Variants in RBP2 observed in about 807,000 individuals in gnomAD.
RBP2 encodes the protein retinol binding protein 2, also known as retinol-binding protein 2.
RBP2 carries 17 observed loss-of-function variants against 17.0 expected under a neutral mutation model. The observed-to-expected ratio is 1.00, with a 90% CI of 0.68 to 1.50. The LOEUF is 1.50. RBP2 is among the 40% of genes most tolerant of loss of function. RBP2 has a pLI of 0.00. For synonymous variants in RBP2, 48 were observed against 57.1 expected (o/e 0.84, Z 0.72); for missense variants, 158 against 168.2 (o/e 0.94, Z 0.33).
At chr3:139,474,896 G>A (rs895803973) in intron 1 of RBP2, among the ~76,000 whole-genome samples, 1 of 152,174 alleles carries the variant, frequency 6.6e-6, no homozygotes, top group South Asian at 2.1e-4. Context: ...AATCACAGGT[G>A]CAACAGGGTT....
At chr3:139,468,257 C>T (rs746610090) in intron 1 of RBP2, among the ~76,000 whole-genome samples, 1 of 152,196 alleles carries the variant, frequency 6.6e-6, no homozygotes, top group Non-Finnish European at 1.5e-5. Flanking sequence ...GATAGCACTC[C>T]TGACAATTTC....
At chr3:139,466,582 C>T (rs1933372477) in intron 1 of RBP2, 1 of 152,256 alleles carries the variant, frequency 6.6e-6, no homozygotes, top group African/African-American at 2.4e-5. Context: ...GTGTGTCCAG[C>T]TTCAGTCTCG....
At chr3:139,467,514 T>C (rs558562903) in intron 1 of RBP2, among the ~76,000 whole-genome samples, 1 of 152,300 alleles carries the variant, frequency 6.6e-6, no homozygotes, top group South Asian at 2.1e-4. Context: ...TCCTGTCTCT[T>C]ATTTCCTAGC....
At chr3:139,455,156 G>A (rs944275323) in intron 2 of RBP2, among the ~76,000 whole-genome samples, 1 of 152,084 alleles carries the variant, frequency 6.6e-6, no homozygotes, top group African/African-American at 2.4e-5. Flanking sequence ...TCTGGAAGGG[G>A]AAAATACCTT....
intron 1 of RBP2, among the ~76,000 whole-genome samples, chr3:139,467,149 T>A (rs181806854): frequency 1.3e-5 from 2 of 152,222 alleles, no homozygotes; most frequent in African/African-American, 4.8e-5. Context: ...AAATAGTAGG[T>A]ACTCAAGAAG....
chr3:139,468,586 C>T (rs1466130883), intron 1 of RBP2, among the ~76,000 whole-genome samples: 1 of 152,080 alleles, frequency 6.6e-6, no homozygotes, highest in African/African-American at 2.4e-5. Context: ...GGAAGGTAGC[C>T]AAATGTTCTG....
Position 139,454,816 on chromosome 3 carries a change from C to A in RBP2, c.267G>T (p.Trp89Cys). The change falls in exon 3 of 4, where the codon TGG (tryptophan) becomes TGT (cysteine). Residue 89 changes from tryptophan to cysteine, a missense_variant. By Grantham distance (215) the Trp-to-Cys change is radical. Coordinates refer to ENST00000232217, the MANE Select transcript of RBP2 (RefSeq NM_004164.3). ...DNRHVKALVTWEGDVLVCVQK... is the reference protein window; with the variant it reads ...DNRHVKALVTCEGDVLVCVQK... ...GCACACACACAAGGACATCACCTTCCCAGGTGACCAGTGCCTGTAAAGACA... is the reference window on the plus strand; with the variant it reads ...GCACACACACAAGGACATCACCTTCACAGGTGACCAGTGCCTGTAAAGACA... 1 of 1,614,100 alleles carries A rather than the reference C, an allele frequency of 6.2e-7. No individual in the cohort carries two copies. The highest frequency in any genetic ancestry group is 2.2e-5 in the East Asian group (1 of 44,880).
At chr3:139,472,272 C>T (rs1933593666) in intron 1 of RBP2, among the ~76,000 whole-genome samples, 1 of 152,260 alleles carries the variant, frequency 6.6e-6, no homozygotes, top group African/African-American at 2.4e-5. Flanking sequence ...AGAATCTCAA[C>T]TGGCCCATCT....
intron 1 of RBP2, among the ~76,000 whole-genome samples, chr3:139,474,434 C>G (rs1374612591): frequency 6.6e-6 from 1 of 152,202 alleles, no homozygotes; most frequent in East Asian, 1.9e-4. Context: ...ATAAACTAAA[C>G]AGAGCCTAGA....
At chr3:139,464,459 A>C (rs1010832871) in intron 1 of RBP2, among the ~76,000 whole-genome samples, 1 of 152,258 alleles carries the variant, frequency 6.6e-6, no homozygotes, top group African/African-American at 2.4e-5. Flanking sequence ...TCTCAAAAAA[A>C]AAAATCCTTC....
At chr3:139,458,511 C>G (rs1933057453) in intron 2 of RBP2, among the ~76,000 whole-genome samples, 1 of 152,200 alleles carries the variant, frequency 6.6e-6, no homozygotes, top group Non-Finnish European at 1.5e-5. Flanking sequence ...TTAAGATACA[C>G]AATTCGGTAG....
chr3:139,458,321 G>C (rs1351837154), intron 2 of RBP2, among the ~76,000 whole-genome samples: 1 of 152,026 alleles, frequency 6.6e-6, no homozygotes, highest in Admixed American at 6.6e-5. Context: ...CCCTTCCTCT[G>C]GCAGCGCCTG....
At chr3:139,476,361 C>T in intron 1 of RBP2, 26 bp downstream of exon 1, 1 of 1,604,490 alleles carries the variant, frequency 6.2e-7, no homozygotes, top group Non-Finnish European at 8.5e-7. Context: ...AACAGCTACC[C>T]TCCCCATCCC....
At position 139,462,558 on chromosome 3, in the gene RBP2, AAC is replaced by A. The variant is rs59601422; in HGVS notation, c.74-270_74-269del. On this transcript the variant is annotated intron_variant, in intron 1 of 3. Coordinates refer to ENST00000232217, the MANE Select transcript of RBP2 (RefSeq NM_004164.3). ...CCTCACCCCTAAGCTGCAGCTCCCC[AAC>A]ACACACACACACACACACACACACA... 8.1e-3 allele frequency among the ~76,000 whole-genome samples: 976 copies of A among 121,188 alleles called. 4 individuals are homozygous for A. Among genetic ancestry groups the A allele is most frequent in the Middle Eastern group, 0.013 (3 of 230 alleles). 79.5% of individuals were successfully genotyped at this position (121,188 alleles called of 152,430 possible). A position where few individuals can be genotyped will look rare whatever the true frequency, so the allele number is the denominator to read the frequency against.
rs1460813034 is a variant in RBP2 at position 139,462,193 on chromosome 3, T to C, written c.171A>G (p.Thr57=). The stretch of plus-strand genomic sequence containing the variant: ...TGAAATCCACATCATAGTTGCGGAA[T>C]GTGCTAGTGGTTTTTGTCTTGAAGT... The part of the protein sequence containing the change: ...GDNFKTKTTS[T]FRNYDVDFTV... The change falls in exon 2 of 4, where the codon ACA becomes ACG. Residue 57 remains threonine, a synonymous_variant. Coordinates refer to ENST00000232217, the MANE Select transcript of RBP2 (RefSeq NM_004164.3). 6.8e-6 allele frequency: 11 copies of C among 1,614,162 alleles called. No homozygotes were observed. The East Asian group carries it at 2.2e-4, about 33-fold the overall frequency.
At chr3:139,463,891 T>C (rs553988307) in intron 1 of RBP2, among the ~76,000 whole-genome samples, 2 of 152,246 alleles carry the variant, frequency 1.3e-5, no homozygotes, top group Non-Finnish European at 2.9e-5. Flanking sequence ...AAAGATAATA[T>C]TGACCTCAAG....
intron 1 of RBP2, among the ~76,000 whole-genome samples, chr3:139,465,713 C>A (rs1326195739): frequency 6.6e-6 from 1 of 152,182 alleles, no homozygotes; most frequent in Non-Finnish European, 1.5e-5. Context: ...CTGTTTGAGG[C>A]AGTTTGTTTT....
chr3:139,469,966 C>T (rs977614172), intron 1 of RBP2, among the ~76,000 whole-genome samples: 3 of 152,160 alleles, frequency 2.0e-5, no homozygotes, highest in African/African-American at 4.8e-5. Flanking sequence ...TTCCTAACCA[C>T]ACGTGGCCAT....
intron 1 of RBP2, among the ~76,000 whole-genome samples, chr3:139,471,716 C>A (rs1371295256): frequency 6.6e-6 from 1 of 152,120 alleles, no homozygotes; most frequent in Non-Finnish European, 1.5e-5. Context: ...CTGACTCCTC[C>A]CTGACTCTTC....
Sources: allele counts gnomAD v4.1 joint callset (sites outside exome capture counted in the v4.1 genomes callset), GRCh38; gene constraint gnomAD v4.1.1; transcripts MANE v1.5; gene names NCBI Gene and HGNC (gene_info 2026-07-23, HGNC 2026-07-21).